The following ALDH1A3 variants were observed in gnomAD, a reference collection of about 807,000 sequenced individuals.
ALDH1A3 encodes the protein aldehyde dehydrogenase 1 family member A3.
A neutral mutation model predicts 57.5 loss-of-function variants in ALDH1A3; 28 were observed. That is an observed-to-expected ratio of 0.49 (90% CI 0.36 to 0.67). ALDH1A3 has a LOEUF of 0.67. Among genes scored for constraint, ALDH1A3 ranks in the 30% least tolerant of loss-of-function variants. The pLI is 0.00. For missense variants in ALDH1A3, 507 were observed against 669.4 expected (o/e 0.76, Z 2.68); for synonymous variants, 281 against 264.8 (o/e 1.06, Z -0.59).
At chr15:100,905,841 C>T (rs1181064611) in intron 10 of ALDH1A3, among the ~76,000 whole-genome samples, 154 bp downstream of exon 10, 1 of 151,442 alleles carries the variant, frequency 6.6e-6, no homozygotes, top group East Asian at 2.0e-4. Flanking sequence ...TGTGGTCTTT[C>T]CCCTCTCCTT....
At chr15:100,880,535 T>G (rs2041537619) in intron 1 of ALDH1A3, 2 of 268,374 alleles carry the variant, frequency 7.5e-6, no homozygotes, top group Admixed American at 1.1e-4. Context: ...GCGGGCGCCT[T>G]CCGTGCTTAG....
At chr15:100,907,309 C>T (rs755923528) in intron 11 of ALDH1A3, 31 bp downstream of exon 11, 1 of 1,600,102 alleles carries the variant, frequency 6.2e-7, no homozygotes, top group Middle Eastern at 1.7e-4. Flanking sequence ...TTTCAGCTCT[C>T]CTGAGTTGCT....
At chr15:100,897,625 A>C (rs911527407) in intron 7 of ALDH1A3, among the ~76,000 whole-genome samples, 1 of 152,260 alleles carries the variant, frequency 6.6e-6, no homozygotes. Flanking sequence ...AGGTTCCCTC[A>C]GATCACACCA....
chr15:100,914,444 G>A (rs986503545), intron 12 of ALDH1A3: 2 of 329,642 alleles, frequency 6.1e-6, no homozygotes, highest in Admixed American at 4.5e-5. Context: ...ATTCTCTAAA[G>A]GGAAACCCTT....
Position 100,879,960 on chromosome 15 carries a change from C to T in ALDH1A3, c.53C>T (p.Pro18Leu). Residue 18 changes from proline to leucine, a missense_variant, in exon 1 of 13, where the codon CCG becomes CTG. Around this residue, in one of 2 missense-constraint regions of ALDH1A3, gnomAD observed 75 missense variants for 61.0 expected, o/e 1.23. Coordinates refer to ENST00000329841, the MANE Select transcript of ALDH1A3 (RefSeq NM_000693.4). Reference protein sequence around the residue: ...VENGQPDRKPPALPRPIRNLE... With the variant: ...VENGQPDRKPLALPRPIRNLE... ...AACGGGCAGCCGGACAGGAAGCCGC[C>T]GGCCCTGCCGCGCCCCATCCGCAAC... The T allele has an allele frequency of 6.8e-7, 1 of 1,475,040 alleles. No homozygotes were observed. The highest frequency in any genetic ancestry group is 9.0e-7 in the Non-Finnish European group (1 of 1,112,066). 91.4% of individuals were successfully genotyped at this position (1,475,040 alleles called of 1,614,324 possible).
chr15:100,905,772 C>A, intron 10 of ALDH1A3, 85 bp downstream of exon 10: 1 of 1,348,296 alleles, frequency 7.4e-7, no homozygotes, highest in South Asian at 1.5e-5. Context: ...CCCAGAAATC[C>A]TTGTGATCTG....
At chr15:100,902,505 C>T (rs182931162) in intron 9 of ALDH1A3, among the ~76,000 whole-genome samples, 64 of 152,318 alleles carry the variant, frequency 4.2e-4, no homozygotes, top group African/African-American at 1.4e-3. Flanking sequence ...GGTCCACGGC[C>T]GGGCTAGCGC....
At position 100,893,255 on chromosome 15, in the gene ALDH1A3, G is replaced by A. The variant is rs538972098; in HGVS notation, c.537+249G>A. On this transcript the variant is annotated intron_variant, in intron 5 of 12. Coordinates refer to ENST00000329841, the MANE Select transcript of ALDH1A3 (RefSeq NM_000693.4). This position sits in a 1 kb window ranked among gnomAD's most constrained non-coding sequence, Gnocchi z 4.8. The stretch of plus-strand genomic sequence containing the variant: ...TTCCCAGCCAGAGTGGTCAGGAATG[G>A]CCAGCATTCCCAGGAAGGTGGTCTC... 47 of 399,202 alleles carry A rather than the reference G, an allele frequency of 1.2e-4. No homozygotes were observed. In the Admixed American group the frequency reaches 1.2e-3, roughly 10 times the overall value. 24.7% of individuals were successfully genotyped at this position (399,202 alleles called of 1,614,324 possible). A position where few individuals can be genotyped will look rare whatever the true frequency, so the allele number is the denominator to read the frequency against.
Position 100,893,634 on chromosome 15 carries a change from G to GTA in ALDH1A3, c.538-320_538-319insTA. On this transcript the variant is annotated intron_variant, in intron 5 of 12. Transcript: ENST00000329841. The surrounding 1 kb of genome is among the most constrained non-coding windows in gnomAD (Gnocchi z 4.8). Reference sequence around the variant, plus strand: ...CAGGCAGGAAGCTGAAGAGCCAGGTGGCAACATGAAGTGAGGGTTCAAAAA... The same window carrying GTA: ...CAGGCAGGAAGCTGAAGAGCCAGGTGTAGCAACATGAAGTGAGGGTTCAAAAA... The GTA allele has an allele frequency of 1.3e-5, 3 of 239,676 alleles. No homozygotes were observed. The highest frequency in any genetic ancestry group is 2.4e-5 in the Non-Finnish European group (3 of 123,610). 14.8% of individuals were successfully genotyped at this position (239,676 alleles called of 1,614,324 possible).
At chr15:100,882,008 C>T (rs1487077788) in intron 1 of ALDH1A3, among the ~76,000 whole-genome samples, 1 of 152,134 alleles carries the variant, frequency 6.6e-6, no homozygotes, top group Non-Finnish European at 1.5e-5. Flanking sequence ...AGGGAAGGAG[C>T]GGGATAAACT....
At chr15:100,884,565 GTTTTT>G (rs58072985) in intron 1 of ALDH1A3, among the ~76,000 whole-genome samples, 2 of 139,940 alleles carry the variant, frequency 1.4e-5, no homozygotes, top group African/African-American at 5.1e-5. Context: ...GTTTTTCTGG[GTTTTT>G]TTTTTTTTTT....
At chr15:100,885,035 G>A (rs1045895305) in intron 1 of ALDH1A3, among the ~76,000 whole-genome samples, 2 of 152,154 alleles carry the variant, frequency 1.3e-5, no homozygotes, top group African/African-American at 4.8e-5. Flanking sequence ...AGTGACTATA[G>A]TTTTATTTGA....
At position 100,892,492 on chromosome 15, in the gene ALDH1A3, A is replaced by G; in HGVS notation, c.346-18A>G. 6.2e-7 allele frequency: 1 copy of G among 1,608,628 alleles called. No homozygotes were observed. The highest frequency in any genetic ancestry group is 8.5e-7 in the Non-Finnish European group (1 of 1,178,836). On this transcript the variant is annotated intron_variant, in intron 3 of 12. Transcript: ENST00000329841. ...AAAGCAAGCTATGTCCGAAACAGAC[A>G]TCATCTTGTTATTGCAGGCCCTGGA...
At chr15:100,911,156 A>C (rs1013507036) in intron 12 of ALDH1A3, among the ~76,000 whole-genome samples, 1 of 152,282 alleles carries the variant, frequency 6.6e-6, no homozygotes, top group African/African-American at 2.4e-5. Context: ...ACTGCCTGGA[A>C]AACCAATTTC....
rs563474567 is a variant in ALDH1A3 at position 100,887,129 on chromosome 15, GA to G, written c.205-435del. On this transcript the variant is annotated intron_variant, in intron 2 of 12. Coordinates refer to ENST00000329841, the MANE Select transcript of ALDH1A3 (RefSeq NM_000693.4). The surrounding 1 kb of genome is among the most constrained non-coding windows in gnomAD (Gnocchi z 4.6). ...TGTAGAAATATTAAGATGTAAAGAA[GA>G]AAAAAAATCACTTGAACGCTCCCAG... Among the ~76,000 whole-genome samples, 12 of 152,180 alleles carry G rather than the reference GA, an allele frequency of 7.9e-5. No homozygotes were observed. The highest frequency in any genetic ancestry group is 2.9e-4 in the African/African-American group (12 of 41,542).
In ALDH1A3 at chr15:100,887,634, C is replaced by T. The variant is rs2041609443; in HGVS notation, c.267C>T (p.Arg89=). The change falls in exon 3 of 13, where the codon CGC becomes CGT. Residue 89 remains arginine, a synonymous_variant. Coordinates refer to ENST00000329841, the MANE Select transcript of ALDH1A3 (RefSeq NM_000693.4). This position sits in a 1 kb window ranked among gnomAD's most constrained non-coding sequence, Gnocchi z 4.6. ...QVAFQRGSPW[R]RLDALSRGRL... ...CCTTCCAGAGGGGCTCGCCATGGCG[C>T]CGGCTGGATGCCCTGAGTCGTGGGC... 4 of 1,612,030 alleles carry T rather than the reference C, an allele frequency of 2.5e-6. No homozygotes were observed. The highest frequency in any genetic ancestry group is 3.4e-6 in the Non-Finnish European group (4 of 1,179,162).
In ALDH1A3 at chr15:100,891,917, G is replaced by A. The variant is rs564581865; in HGVS notation, c.346-593G>A. Among the ~76,000 whole-genome samples the A allele has an allele frequency of 1.3e-3, 200 of 152,340 alleles. 2 individuals carry two copies. The highest frequency in any genetic ancestry group is 2.2e-3 in the Non-Finnish European group (149 of 68,024). On this transcript the variant is annotated intron_variant, in intron 3 of 12. Coordinates refer to ENST00000329841, the MANE Select transcript of ALDH1A3 (RefSeq NM_000693.4). ...TCTGCTCCCTTCCGACTCTGCATCCGGCCGGCCGGGCTCTGCAGTGCAGGA... is the reference window on the plus strand; with the variant it reads ...TCTGCTCCCTTCCGACTCTGCATCCAGCCGGCCGGGCTCTGCAGTGCAGGA...
chr15:100,907,620 C>G (rs1366542712), intron 11 of ALDH1A3, among the ~76,000 whole-genome samples: 1 of 152,150 alleles, frequency 6.6e-6, no homozygotes, highest in South Asian at 2.1e-4. Context: ...AGTTCATGCC[C>G]ATCTGCAAAA....
At position 100,887,128 on chromosome 15, in the gene ALDH1A3, AG is replaced by A. The variant is rs1358972778; in HGVS notation, c.205-443del. Among the ~76,000 whole-genome samples, 3 of 152,252 alleles carry A rather than the reference AG, an allele frequency of 2.0e-5. No homozygotes were observed. Among genetic ancestry groups the A allele is most frequent in the Non-Finnish European group, 4.4e-5 (3 of 68,042 alleles). On this transcript the variant is annotated intron_variant, in intron 2 of 12. Coordinates refer to ENST00000329841, the MANE Select transcript of ALDH1A3 (RefSeq NM_000693.4). This position sits in a 1 kb window ranked among gnomAD's most constrained non-coding sequence, Gnocchi z 4.6. ...CTGTAGAAATATTAAGATGTAAAGA[AG>A]AAAAAAAATCACTTGAACGCTCCCA...
Sources: allele counts gnomAD v4.1 joint callset (sites outside exome capture counted in the v4.1 genomes callset), GRCh38; gene constraint gnomAD v4.1.1; regional missense constraint gnomAD v4.1.1; non-coding constraint Gnocchi (gnomAD v3.1); transcripts MANE v1.5; gene names NCBI Gene and HGNC (gene_info 2026-07-23, HGNC 2026-07-21).